Variants in RHOA observed in about 807,000 individuals in gnomAD.
RHOA encodes transforming protein RhoA.
Under a neutral mutation model 17.5 loss-of-function variants are expected in RHOA, and 3 were observed. That is an observed-to-expected ratio of 0.17 (90% CI 0.08 to 0.44). The LOEUF (loss-of-function observed/expected upper bound fraction) is 0.44, where lower values mean the gene tolerates loss of function less well. Among genes scored for constraint, RHOA ranks in the 20% least tolerant of loss-of-function variants. RHOA has a pLI of 0.99. For missense variants in RHOA, 56 were observed against 242.3 expected (o/e 0.23, Z 5.10); for synonymous variants, 98 against 88.4 (o/e 1.11, Z -0.61).
At position 49,400,302 on chromosome 3, in the gene RHOA, A is replaced by AC. The variant is rs527465820; in HGVS notation, c.-3+11517dup. Among the ~76,000 whole-genome samples, 264 of 146,136 alleles carry AC rather than the reference A, an allele frequency of 1.8e-3. 3 individuals are homozygous for AC. Among genetic ancestry groups the AC allele is most frequent in the African/African-American group, 6.1e-3 (242 of 39,414 alleles). ...TTCCCTAGTCTAACCAAAACTGGCC[A>AC]CCCCCCACCACCTCCTGTTTCTATA... On this transcript the variant is annotated intron_variant, in intron 1 of 4. Transcript: ENST00000418115.
At chr3:49,399,935 A>T (rs1258041115) in intron 1 of RHOA, among the ~76,000 whole-genome samples, 1 of 152,098 alleles carries the variant, frequency 6.6e-6, no homozygotes, top group Non-Finnish European at 1.5e-5. Context: ...GAAACTACAG[A>T]AACGGCTGGG....
At chr3:49,370,744 C>A (rs978611378) in intron 2 of RHOA, among the ~76,000 whole-genome samples, 2 of 152,144 alleles carry the variant, frequency 1.3e-5, no homozygotes, top group African/African-American at 4.8e-5. Context: ...GCACCCAGCT[C>A]TGCTACCCCA....
intron 1 of RHOA, among the ~76,000 whole-genome samples, chr3:49,391,669 G>A (rs1310304116): frequency 6.6e-6 from 1 of 151,856 alleles, no homozygotes; most frequent in Non-Finnish European, 1.5e-5. Flanking sequence ...GCACCACCAT[G>A]CCCGGGTAAT....
At chr3:49,363,362 A>T (rs1167067696) in intron 3 of RHOA, among the ~76,000 whole-genome samples, 1 of 152,036 alleles carries the variant, frequency 6.6e-6, no homozygotes, top group Non-Finnish European at 1.5e-5. Context: ...AGAGCTTGCC[A>T]TGAGCTGAGA....
chr3:49,379,238 T>C (rs1036623160), intron 1 of RHOA, among the ~76,000 whole-genome samples: 3 of 152,148 alleles, frequency 2.0e-5, no homozygotes, highest in South Asian at 2.1e-4. Context: ...ATAGTATGGA[T>C]AGATCTTGGA....
intron 1 of RHOA, among the ~76,000 whole-genome samples, chr3:49,409,090 G>T (rs1470867490): frequency 0.012 from 1,741 of 151,176 alleles, 32 homozygotes; most frequent in African/African-American, 0.041. Flanking sequence ...GCCCTGCCAG[G>T]ATCCTTTTAA....
chr3:49,367,920 T>A (rs1436113094), intron 3 of RHOA, among the ~76,000 whole-genome samples: 1 of 151,892 alleles, frequency 6.6e-6, no homozygotes, highest in Non-Finnish European at 1.5e-5. Context: ...ATAATAATTA[T>A]TATTTTTGAG....
intron 1 of RHOA, among the ~76,000 whole-genome samples, chr3:49,405,168 G>C (rs1200384390): frequency 1.2e-4 from 17 of 146,008 alleles, no homozygotes; most frequent in African/African-American, 4.1e-4. Flanking sequence ...TGAGGAAGGA[G>C]AACTGCTTGA....
chr3:49,407,931 G>C (rs1183221852), intron 1 of RHOA, among the ~76,000 whole-genome samples: 1 of 152,072 alleles, frequency 6.6e-6, no homozygotes. Context: ...AGAGGCCAAG[G>C]GGGGCAGATC....
At chr3:49,363,536 G>A (rs1265344187) in intron 3 of RHOA, among the ~76,000 whole-genome samples, 1 of 151,832 alleles carries the variant, frequency 6.6e-6, no homozygotes, top group African/African-American at 2.4e-5. Context: ...AGGAGCTCAA[G>A]AACAGCCTAT....
At chr3:49,393,661 T>A (rs2048552144) in intron 1 of RHOA, among the ~76,000 whole-genome samples, 1 of 3,218 alleles carries the variant, frequency 3.1e-4, no homozygotes, top group Admixed American at 8.1e-3. Context: ...AGGTCCCTTG[T>A]CTCAAATTCT....
intron 1 of RHOA, among the ~76,000 whole-genome samples, chr3:49,402,932 G>C (rs1407896458): frequency 3.3e-5 from 5 of 151,878 alleles, no homozygotes; most frequent in African/African-American, 9.7e-5. Context: ...AGCTACTCGG[G>C]AGGCTGAAGC....
chr3:49,389,871 A>C (rs1259728618), intron 1 of RHOA, among the ~76,000 whole-genome samples: 2 of 141,460 alleles, frequency 1.4e-5, no homozygotes, highest in African/African-American at 5.3e-5. Context: ...CAGGAGGTGG[A>C]GCTTGCAGTG....
chr3:49,401,423 C>T lies in RHOA; in HGVS notation c.-3+10397G>A, dbSNP rs550250872. ...ATCCCAGCACTTTGGGAGGCCATGG[C>T]GGATGGATCACTTGAGCCCAAGAGT... On this transcript the variant is annotated intron_variant, in intron 1 of 4. Coordinates refer to ENST00000418115, the MANE Select transcript of RHOA (RefSeq NM_001664.4). 7.9e-5 allele frequency among the ~76,000 whole-genome samples: 12 copies of T among 152,070 alleles called. 1 individual carries two copies. Among genetic ancestry groups the T allele is most frequent in the African/African-American group, 2.9e-4 (12 of 41,464 alleles).
At chr3:49,383,692 ACT>A (rs918118822) in intron 1 of RHOA, among the ~76,000 whole-genome samples, 2 of 151,626 alleles carry the variant, frequency 1.3e-5, no homozygotes, top group African/African-American at 4.9e-5. Context: ...GAATGTCCAG[ACT>A]CTGTCTCCAC....
intron 2 of RHOA, 61 bp downstream of exon 2, chr3:49,375,373 C>T (rs2048209994): frequency 1.3e-6 from 2 of 1,510,910 alleles, no homozygotes; most frequent in Non-Finnish European, 1.8e-6. Flanking sequence ...TAATTCTCTA[C>T]ATGCTCCATA....
chr3:49,365,560 C>T (rs2048042048), intron 3 of RHOA, among the ~76,000 whole-genome samples: 1 of 150,698 alleles, frequency 6.6e-6, no homozygotes, highest in East Asian at 2.0e-4. Flanking sequence ...AATTGACTGT[C>T]GCCACTTTTG....
intron 1 of RHOA, among the ~76,000 whole-genome samples, chr3:49,379,879 A>G (rs1162788845): frequency 1.3e-5 from 2 of 152,218 alleles, no homozygotes; most frequent in African/African-American, 4.8e-5. Context: ...ATATTTCAAT[A>G]AAGCTGTTAC....
chr3:49,404,284 C>T (rs1281599512), intron 1 of RHOA, among the ~76,000 whole-genome samples: 1 of 109,716 alleles, frequency 9.1e-6, no homozygotes, highest in Non-Finnish European at 1.9e-5. Context: ...GCCTAGATGA[C>T]AAAACAAGAC....
Sources: allele counts gnomAD v4.1 joint callset (sites outside exome capture counted in the v4.1 genomes callset), GRCh38; gene constraint gnomAD v4.1.1; transcripts MANE v1.5; gene names NCBI Gene and HGNC (gene_info 2026-07-23, HGNC 2026-07-21).